The following PCDHGB1 variants were observed in gnomAD, a reference collection of about 807,000 sequenced individuals.
PCDHGB1 encodes protocadherin gamma-B1.
PCDHGB1 carries 34 observed loss-of-function variants against 56.6 expected under a neutral mutation model. That is an observed-to-expected ratio of 0.60 (90% CI 0.46 to 0.80). The LOEUF (loss-of-function observed/expected upper bound fraction) is 0.80. PCDHGB1 is among the 30% of genes least tolerant of loss of function. The pLI is 0.00. For synonymous variants in PCDHGB1, 561 were observed against 505.9 expected (o/e 1.11, Z -1.46); for missense variants, 1,278 against 1,204.6 (o/e 1.06, Z -0.90).
Position 141,476,855 on chromosome 5 carries a change from T to C in PCDHGB1, c.2410-17952T>C, listed in dbSNP as rs149491772. The C allele has an allele frequency of 3.2e-4, 519 of 1,613,836 alleles. 3 individuals carry two copies. The African/African-American group carries it at 6.2e-3, about 19-fold the overall frequency. Reference sequence around the variant, plus strand: ...TGACAATGCGCCTGTCTTCAACCAGTCCTTGTACCGGGCGCGCGTCCTGGA... The same window carrying C: ...TGACAATGCGCCTGTCTTCAACCAGCCCTTGTACCGGGCGCGCGTCCTGGA... On this transcript the variant is annotated intron_variant, in intron 1 of 3. Coordinates refer to ENST00000523390, the MANE Select transcript of PCDHGB1 (RefSeq NM_018922.3). This position sits in a 1 kb window ranked among gnomAD's most constrained non-coding sequence, Gnocchi z 7.6.
chr5:141,443,417 T>C (rs1429905201), intron 1 of PCDHGB1, among the ~76,000 whole-genome samples: 3 of 152,132 alleles, frequency 2.0e-5, no homozygotes, highest in East Asian at 1.9e-4. Context: ...TCTGGGGAGA[T>C]TGAAGCTGCA....
intron 1 of PCDHGB1, among the ~76,000 whole-genome samples, chr5:141,484,160 T>C (rs1451052819): frequency 2.6e-5 from 4 of 152,210 alleles, no homozygotes; most frequent in African/African-American, 7.2e-5. Flanking sequence ...CACAATGCTG[T>C]TGGTAGCTGA....
In PCDHGB1 at chr5:141,489,261, A is replaced by C; in HGVS notation, c.2410-5546A>C. 6.4e-7 allele frequency: 1 copy of C among 1,551,956 alleles called. No individual in the cohort carries two copies. Among genetic ancestry groups the C allele is most frequent in the East Asian group, 2.2e-5 (1 of 44,450 alleles). Reference sequence around the variant, plus strand: ...GGGTCATGGGGCCCAAGACACTCCCACAGCTCGCTGGGAAATGGCAAGTGC... The same window carrying C: ...GGGTCATGGGGCCCAAGACACTCCCCCAGCTCGCTGGGAAATGGCAAGTGC... On this transcript the variant is annotated intron_variant, in intron 1 of 3. Coordinates refer to ENST00000523390, the MANE Select transcript of PCDHGB1 (RefSeq NM_018922.3). The surrounding 1 kb of genome is among the most constrained non-coding windows in gnomAD (Gnocchi z 4.5).
At chr5:141,381,835 T>C (rs1342005630) in intron 1 of PCDHGB1, among the ~76,000 whole-genome samples, 58 of 141,162 alleles carry the variant, frequency 4.1e-4, no homozygotes, top group African/African-American at 1.5e-3. Context: ...TCTTTTTTTT[T>C]TTTTTTTTTT....
At chr5:141,404,841 G>C (rs765291212) in intron 1 of PCDHGB1, 4 of 1,613,886 alleles carry the variant, frequency 2.5e-6, no homozygotes, top group African/African-American at 1.3e-5. Context: ...CGCACAGCTC[G>C]GGCCCTGCTA....
Position 141,415,142 on chromosome 5 carries a change from C to A in PCDHGB1, c.2409+62473C>A, listed in dbSNP as rs757516335. On this transcript the variant is annotated intron_variant, in intron 1 of 3. Coordinates refer to ENST00000523390, the MANE Select transcript of PCDHGB1 (RefSeq NM_018922.3). The stretch of plus-strand genomic sequence containing the variant: ...GTGGCCGTCCAGGACCACGGCCAGC[C>A]CCCTCTCTCCGCCACTGTCACGCTC... 10 of 1,613,732 alleles carry A rather than the reference C, an allele frequency of 6.2e-6. 1 individual carries two copies. In the South Asian group the frequency reaches 1.1e-4, roughly 18 times the overall value.
chr5:141,415,482 G>C, intron 1 of PCDHGB1: 1 of 1,614,218 alleles, frequency 6.2e-7, no homozygotes, highest in Non-Finnish European at 8.5e-7. Context: ...ACTCGCGAAA[G>C]AGTCACCTGA....
chr5:141,495,434 G>A (rs1038100521), intron 2 of PCDHGB1, among the ~76,000 whole-genome samples: 2 of 152,196 alleles, frequency 1.3e-5, no homozygotes, highest in Non-Finnish European at 2.9e-5. Flanking sequence ...ACTGTCCTCT[G>A]CCCCTACTTG....
Position 141,486,344 on chromosome 5 carries a change from G to C in PCDHGB1, c.2410-8463G>C. 6.2e-7 allele frequency: 1 copy of C among 1,614,062 alleles called. No homozygotes were observed. The highest frequency in any genetic ancestry group is 8.5e-7 in the Non-Finnish European group (1 of 1,180,022). On this transcript the variant is annotated intron_variant, in intron 1 of 3. Transcript: ENST00000523390. The surrounding 1 kb of genome is among the most constrained non-coding windows in gnomAD (Gnocchi z 5.0). Reference sequence around the variant, plus strand: ...CGGAGATGTGAGCCTCCGCATTCCTGACCACTTGCCATTTGCCCTCAAGTC... The same window carrying C: ...CGGAGATGTGAGCCTCCGCATTCCTCACCACTTGCCATTTGCCCTCAAGTC...
At position 141,352,273 on chromosome 5, in the gene PCDHGB1, C is replaced by T; in HGVS notation, c.2013C>T (p.Leu671=). 2 of 1,614,082 alleles carry T rather than the reference C, an allele frequency of 1.2e-6. No individual in the cohort carries two copies. Among genetic ancestry groups the T allele is most frequent in the Non-Finnish European group, 1.7e-6 (2 of 1,179,904 alleles). The change falls in exon 1 of 4, where the codon CTC becomes CTT. Residue 671 remains leucine (L), a synonymous_variant. Coordinates refer to ENST00000523390, the MANE Select transcript of PCDHGB1 (RefSeq NM_018922.3). ...GCCTGCAAGAGGTATTGCCAGACCT[C>T]AGCGACCGCCCTGAGCCCTCTGACC... ...ADSLQEVLPD[L]SDRPEPSDPQ...
intron 1 of PCDHGB1, chr5:141,408,186 G>A (rs529140572): frequency 1.7e-4 from 266 of 1,542,242 alleles, no homozygotes; most frequent in Non-Finnish European, 2.2e-4. Flanking sequence ...GGGACCCAGC[G>A]AGAACCCGAG....
chr5:141,383,634 T>C, intron 1 of PCDHGB1: 1 of 1,613,914 alleles, frequency 6.2e-7, no homozygotes, highest in Non-Finnish European at 8.5e-7. Flanking sequence ...TCTCTCTGCC[T>C]CAGTACCAAG....
rs2099609528 is a variant in PCDHGB1 at position 141,485,211 on chromosome 5, G to A, written c.2410-9596G>A. 6.2e-7 allele frequency: 1 copy of A among 1,614,126 alleles called. No individual in the cohort carries two copies. The highest frequency in any genetic ancestry group is 8.5e-7 in the Non-Finnish European group (1 of 1,179,980). Reference sequence around the variant, plus strand: ...GTGAGAAGCTGGACAGAAATCTGGCGGTGGGCTACCCTTTTGTTCCTCTTT... The same window carrying A: ...GTGAGAAGCTGGACAGAAATCTGGCAGTGGGCTACCCTTTTGTTCCTCTTT... On this transcript the variant is annotated intron_variant, in intron 1 of 3. Transcript: ENST00000523390. This position sits in a 1 kb window ranked among gnomAD's most constrained non-coding sequence, Gnocchi z 5.7.
chr5:141,375,100 T>A lies in PCDHGB1; in HGVS notation c.2409+22431T>A, dbSNP rs921904476. 5 of 1,613,834 alleles carry A rather than the reference T, an allele frequency of 3.1e-6. No individual in the cohort carries two copies. The African/African-American group carries it at 6.7e-5, about 22-fold the overall frequency. On this transcript the variant is annotated intron_variant, in intron 1 of 3. Transcript: ENST00000523390. The stretch of plus-strand genomic sequence containing the variant: ...CGAAAGTCTTAATAACTATCTTGGA[T>A]GTCAATGATAATGTACCAGAAGTGG...
In PCDHGB1 at chr5:141,352,280, C is replaced by A. The variant is rs1207514166; in HGVS notation, c.2020C>A (p.Arg674Ser). 3.1e-6 allele frequency: 5 copies of A among 1,614,072 alleles called. No individual in the cohort carries two copies. Among genetic ancestry groups the A allele is most frequent in the Non-Finnish European group, 4.2e-6 (5 of 1,179,910 alleles). The change falls in exon 1 of 4, where the codon CGC becomes AGC. Residue 674 changes from arginine (R) to serine (S), a missense_variant. Transcript: ENST00000523390. ...AGAGGTATTGCCAGACCTCAGCGAC[C>A]GCCCTGAGCCCTCTGACCCCCAGAC... ...LQEVLPDLSDRPEPSDPQTEL... is the reference protein window; with the variant it reads ...LQEVLPDLSDSPEPSDPQTEL...
At chr5:141,441,527 A>G (rs2098252922) in intron 1 of PCDHGB1, 2 of 173,076 alleles carry the variant, frequency 1.2e-5, no homozygotes, top group African/African-American at 2.4e-5. Flanking sequence ...GTGGCCAAGA[A>G]CAATCTTCCC....
rs1036223789 is a variant in PCDHGB1, at chr5:141,511,298, G to C, written c.*125G>C. 49 of 1,502,412 alleles carry C rather than the reference G, an allele frequency of 3.3e-5. No homozygotes were observed. The African/African-American group carries it at 6.7e-4, about 20-fold the overall frequency. 93.1% of individuals were successfully genotyped at this position (1,502,412 alleles called of 1,614,324 possible). A position where few individuals can be genotyped will look rare whatever the true frequency, so the allele number is the denominator to read the frequency against. The stretch of plus-strand genomic sequence containing the variant: ...GAATACTGGTAGGGGCCAAGGCCAT[G>C]CTCCCCTTGGGAAACAGAAACAAGT... On this transcript the variant is annotated 3_prime_UTR_variant, in exon 4 of 4. Coordinates refer to ENST00000523390, the MANE Select transcript of PCDHGB1 (RefSeq NM_018922.3).
chr5:141,370,655 C>T (rs746541169), intron 1 of PCDHGB1: 14 of 1,613,708 alleles, frequency 8.7e-6, no homozygotes, highest in Non-Finnish European at 1.1e-5. Context: ...TACTTGTGAG[C>T]GACCGTATAG....
At chr5:141,480,298 C>T (rs1238380283) in intron 1 of PCDHGB1, among the ~76,000 whole-genome samples, 1 of 132,676 alleles carries the variant, frequency 7.5e-6, no homozygotes, top group Non-Finnish European at 1.6e-5. Flanking sequence ...ACCTGTGGTA[C>T]CAGCTACTTG....
Sources: gnomAD v4.1 joint callset for allele counts (sites outside exome capture counted in the v4.1 genomes callset) on GRCh38, gnomAD v4.1.1 for gene constraint, Gnocchi (gnomAD v3.1) non-coding constraint, MANE v1.5 for transcripts, NCBI Gene and HGNC (gene_info 2026-07-23, HGNC 2026-07-21) for gene names.